Variants in NAE1 observed in about 807,000 individuals in gnomAD.
The protein encoded by NAE1 is NEDD8-activating enzyme E1 regulatory subunit.
Under a neutral mutation model 88.0 loss-of-function variants are expected in NAE1, and 59 were observed. The observed-to-expected ratio is 0.67, with a 90% CI of 0.54 to 0.83. The LOEUF (loss-of-function observed/expected upper bound fraction) is 0.83. Ranked by LOEUF, NAE1 falls within the 40% of genes least tolerant of loss-of-function variation. NAE1 has a pLI of 0.00. For missense variants in NAE1, 554 were observed against 632.8 expected (o/e 0.88, Z 1.34); for synonymous variants, 186 against 208.9 (o/e 0.89, Z 0.95).
chr16:66,806,100 G>C, intron 17 of NAE1, 74 bp from the exon 18 acceptor site: 5 of 1,439,906 alleles, frequency 3.5e-6, no homozygotes, highest in Non-Finnish European at 4.6e-6. Flanking sequence ...ATTTAATCTA[G>C]TTTCAGATGT....
intron 11 of NAE1, 90 bp from the exon 12 acceptor site, chr16:66,813,936 G>T: frequency 8.2e-7 from 1 of 1,219,010 alleles, no homozygotes; most frequent in Non-Finnish European, 1.2e-6. Flanking sequence ...TATGTTCTTT[G>T]AATTCTCAAA....
chr16:66,814,069 A>C (rs1959934371), intron 11 of NAE1, among the ~76,000 whole-genome samples: 1 of 152,164 alleles, frequency 6.6e-6, no homozygotes, highest in Admixed American at 6.5e-5. Flanking sequence ...ACCATTTAAT[A>C]CCTATTCTCT....
At chr16:66,816,505 A>G in intron 11 of NAE1, 76 bp downstream of exon 11, 1 of 1,016,000 alleles carries the variant, frequency 9.8e-7, no homozygotes, top group South Asian at 1.4e-5. Flanking sequence ...TTAAATCATT[A>G]TAGTCAACCA....
At chr16:66,815,360 A>G (rs963953683) in intron 11 of NAE1, among the ~76,000 whole-genome samples, 3 of 152,160 alleles carry the variant, frequency 2.0e-5, no homozygotes, top group Non-Finnish European at 4.4e-5. Flanking sequence ...CACAAAGCAC[A>G]TTTATTTTTT....
In NAE1 at chr16:66,803,058, GTAT is replaced by G. The variant is rs1341502567; in HGVS notation, c.1553_1555del (p.Asn518del). 6.2e-7 allele frequency: 1 copy of G among 1,612,594 alleles called. No individual in the cohort carries two copies. The highest frequency in any genetic ancestry group is 8.5e-7 in the Non-Finnish European group (1 of 1,179,166). ...TTGTGACATGCCACTGTAAATGTAA[GTAT>G]TATTAAAAATTACAAATTGTTTGGT... On this transcript the variant is annotated inframe_deletion, in exon 20 of 20. Transcript: ENST00000290810.
At position 66,812,009 on chromosome 16, in the gene NAE1, G is replaced by A. The variant is rs114642897; in HGVS notation, c.1035-1237C>T. On this transcript the variant is annotated intron_variant, in intron 13 of 19. Coordinates refer to ENST00000290810, the MANE Select transcript of NAE1 (RefSeq NM_003905.4). ...TAACTATACGAGGGTCATATTCATT[G>A]AGACCCATCCCTGTGATAGTCTATC... Among the ~76,000 whole-genome samples, 659 of 152,268 alleles carry A rather than the reference G, an allele frequency of 4.3e-3. 2 individuals are homozygous for A. The highest frequency in any genetic ancestry group is 0.015 in the African/African-American group (636 of 41,552).
chr16:66,815,006 G>A (rs1959985324), intron 11 of NAE1, among the ~76,000 whole-genome samples: 1 of 152,122 alleles, frequency 6.6e-6, no homozygotes, highest in Admixed American at 6.5e-5. Flanking sequence ...CCAGACCTCT[G>A]CGTGTCACTT....
At chr16:66,810,926 A>AC (rs1959771139) in intron 13 of NAE1, among the ~76,000 whole-genome samples, 154 bp from the exon 14 acceptor site, 1 of 152,228 alleles carries the variant, frequency 6.6e-6, no homozygotes, top group Admixed American at 6.5e-5. Context: ...TATCAACAGC[A>AC]CCATGAGTAG....
chr16:66,813,400 C>T (rs1202477195), intron 13 of NAE1, 164 bp downstream of exon 13: 2 of 833,080 alleles, frequency 2.4e-6, no homozygotes, highest in East Asian at 2.8e-5. Flanking sequence ...CTTGGCCTCC[C>T]AAAGTGTTGG....
rs770822794 is a variant in NAE1 at position 66,818,566 on chromosome 16, G to A, written c.583C>T (p.His195Tyr). Reference sequence around the variant, plus strand: ...TGATCCAAATCATAGGACTGAAAATGTTCTCTCAGTTCAGGAAATGGCTTA... The same window carrying A: ...TGATCCAAATCATAGGACTGAAAATATTCTCTCAGTTCAGGAAATGGCTTA... ...LDKPFPELREHFQSYDLDHME... is the reference protein window; with the variant it reads ...LDKPFPELREYFQSYDLDHME... Residue 195 changes from histidine to tyrosine, a missense_variant, in exon 8 of 20, where the codon CAT becomes TAT. Coordinates refer to ENST00000290810, the MANE Select transcript of NAE1 (RefSeq NM_003905.4). The A allele has an allele frequency of 6.2e-7, 1 of 1,612,538 alleles. No homozygotes were observed. Among genetic ancestry groups the A allele is most frequent in the East Asian group, 2.2e-5 (1 of 44,754 alleles).
At chr16:66,809,505 T>C (rs1379515245) in intron 15 of NAE1, among the ~76,000 whole-genome samples, 3 of 152,204 alleles carry the variant, frequency 2.0e-5, no homozygotes, top group African/African-American at 7.2e-5. Context: ...TCTTGATATA[T>C]GTAATGACTT....
chr16:66,815,956 G>A (rs1483562678), intron 11 of NAE1, among the ~76,000 whole-genome samples: 2 of 151,994 alleles, frequency 1.3e-5, no homozygotes, highest in East Asian at 3.9e-4. Context: ...GAGCCACCGC[G>A]CCTGGCCCCA....
At chr16:66,818,345 GT>G (rs2145335574) in intron 8 of NAE1, among the ~76,000 whole-genome samples, 182 bp downstream of exon 8, 1 of 152,068 alleles carries the variant, frequency 6.6e-6, no homozygotes, top group African/African-American at 2.4e-5. Flanking sequence ...CAGTAAAAAA[GT>G]TTTTTAATTT....
At chr16:66,827,948 G>T (rs1415357945) in intron 1 of NAE1, 1 of 1,572,254 alleles carries the variant, frequency 6.4e-7, no homozygotes, top group Admixed American at 1.7e-5. Context: ...AGCCTCTAGA[G>T]TTGCTGGGAC....
Position 66,818,653 on chromosome 16 carries a change from T to A in NAE1, c.512-16A>T. On this transcript the variant is annotated splice_polypyrimidine_tract_variant and intron_variant, in intron 7 of 19. Coordinates refer to ENST00000290810, the MANE Select transcript of NAE1 (RefSeq NM_003905.4). Reference sequence around the variant, plus strand: ...GATTCTATTACTGTGAAACAAAGAATTCAAAAGGATAAATTTAACACTTAA... The same window carrying A: ...GATTCTATTACTGTGAAACAAAGAAATCAAAAGGATAAATTTAACACTTAA... 1 of 1,585,700 alleles carries A rather than the reference T, an allele frequency of 6.3e-7. No homozygotes were observed.
chr16:66,824,758 AAAT>A, intron 4 of NAE1, 94 bp downstream of exon 4: 1 of 1,139,964 alleles, frequency 8.8e-7, no homozygotes, highest in Non-Finnish European at 1.3e-6. Context: ...TTTCTCAGAG[AAAT>A]AATACACGTT....
chr16:66,830,133 C>A (rs950551504), intron 1 of NAE1, among the ~76,000 whole-genome samples: 2 of 152,136 alleles, frequency 1.3e-5, no homozygotes, highest in Non-Finnish European at 2.9e-5. Flanking sequence ...GTGATCCGCC[C>A]GCTTCGGCCT....
intron 8 of NAE1, among the ~76,000 whole-genome samples, chr16:66,818,181 T>C (rs988617552): frequency 2.0e-5 from 3 of 152,188 alleles, no homozygotes; most frequent in Non-Finnish European, 4.4e-5. Flanking sequence ...TATAGTCACC[T>C]TGTTGTGCTT....
At chr16:66,805,886 T>G in intron 18 of NAE1, 26 bp downstream of exon 18, 1 of 1,598,992 alleles carries the variant, frequency 6.3e-7, no homozygotes, top group Non-Finnish European at 8.5e-7. Flanking sequence ...TGGAATCATC[T>G]CCTAGATACC....
Sources: gnomAD v4.1 joint callset for allele counts (sites outside exome capture counted in the v4.1 genomes callset) on GRCh38, gnomAD v4.1.1 for gene constraint, MANE v1.5 for transcripts, NCBI Gene and HGNC (gene_info 2026-07-23, HGNC 2026-07-21) for gene names.